TLN2: variants seen among roughly 807,000 people sequenced by gnomAD.
TLN2 encodes the protein talin-2.
A neutral mutation model predicts 294.7 loss-of-function variants in TLN2; 118 were observed. That is an observed-to-expected ratio of 0.40 (90% CI 0.34 to 0.47). The LOEUF (loss-of-function observed/expected upper bound fraction) is 0.47. Among genes scored for constraint, TLN2 ranks in the 20% least tolerant of loss-of-function variants. The pLI is 0.84. For missense variants in TLN2, 3,083 were observed against 3,282.2 expected, an observed-to-expected ratio of 0.94 and a Z score of 1.48; for synonymous variants, 1,431 against 1,304.5, an observed-to-expected ratio of 1.10 and a Z score of -2.09.
At chr15:62,451,057 A>T (rs1385805399) in intron 1 of TLN2, among the ~76,000 whole-genome samples, 1 of 150,338 alleles carries the variant, frequency 6.7e-6, no homozygotes, top group East Asian at 2.0e-4. Context: ...TGATTGTCCT[A>T]CCTTGGCCTC....
chr15:62,703,256 C>T (rs1235938293), intron 19 of TLN2, among the ~76,000 whole-genome samples: 1 of 151,982 alleles, frequency 6.6e-6, no homozygotes, highest in African/African-American at 2.4e-5. Context: ...GTGCACGCCA[C>T]CATGCCCGGC....
At chr15:62,671,435 G>C (rs921065767) in intron 9 of TLN2, among the ~76,000 whole-genome samples, 1 of 152,160 alleles carries the variant, frequency 6.6e-6, no homozygotes, top group African/African-American at 2.4e-5. Flanking sequence ...GTCTGTCATA[G>C]ATTTTGAGTT....
intron 3 of TLN2, chr15:62,645,132 A>G (rs2051674731): frequency 6.5e-6 from 1 of 153,638 alleles, no homozygotes; most frequent in African/African-American, 2.4e-5. Flanking sequence ...TAGTCCATTT[A>G]TCTCTAGAGT....
intron 54 of TLN2, among the ~76,000 whole-genome samples, chr15:62,822,686 A>G (rs2067674114): frequency 6.6e-6 from 1 of 152,242 alleles, no homozygotes; most frequent in African/African-American, 2.4e-5. Flanking sequence ...GTGTGCCCTT[A>G]GAGCTACTCC....
At chr15:62,476,128 G>A (rs1477761123) in intron 1 of TLN2, among the ~76,000 whole-genome samples, 1 of 152,134 alleles carries the variant, frequency 6.6e-6, no homozygotes, top group East Asian at 1.9e-4. Context: ...CTTGTGGGCT[G>A]GCACCAAAAC....
At chr15:62,560,300 G>A (rs2042851102) in intron 1 of TLN2, among the ~76,000 whole-genome samples, 1 of 152,100 alleles carries the variant, frequency 6.6e-6, no homozygotes, top group Non-Finnish European at 1.5e-5. Context: ...GAGTGCGGTG[G>A]CGGTATCTTG....
At chr15:62,457,365 C>A (rs2036543776) in intron 1 of TLN2, among the ~76,000 whole-genome samples, 1 of 152,236 alleles carries the variant, frequency 6.6e-6, no homozygotes, top group Non-Finnish European at 1.5e-5. Flanking sequence ...TCATCTAAAC[C>A]TAATTATCTC....
intron 1 of TLN2, among the ~76,000 whole-genome samples, chr15:62,432,507 A>G (rs1488657465): frequency 1.3e-5 from 2 of 152,170 alleles, no homozygotes; most frequent in African/African-American, 4.8e-5. Flanking sequence ...ACACTGTTGC[A>G]TTGGGGATTG....
intron 32 of TLN2, among the ~76,000 whole-genome samples, chr15:62,743,471 G>A (rs191516201): frequency 2.0e-4 from 31 of 152,218 alleles, no homozygotes; most frequent in Non-Finnish European, 3.7e-4. Flanking sequence ...GCCTGGGTAC[G>A]TTTTTGGGAC....
At chr15:62,745,331 T>TAA (rs899096910) in intron 32 of TLN2, among the ~76,000 whole-genome samples, 5 of 149,570 alleles carry the variant, frequency 3.3e-5, no homozygotes, top group African/African-American at 9.8e-5. Context: ...AAAAAGATGG[T>TAA]AAAAAAAAAA....
intron 1 of TLN2, among the ~76,000 whole-genome samples, chr15:62,479,235 T>G (rs2140379038): frequency 1.3e-5 from 2 of 152,358 alleles, no homozygotes; most frequent in Middle Eastern, 3.4e-3. Flanking sequence ...TGCATTTACC[T>G]GGGCCTCATA....
chr15:62,531,725 A>G (rs1055857064), intron 1 of TLN2, among the ~76,000 whole-genome samples: 3 of 152,236 alleles, frequency 2.0e-5, no homozygotes, highest in African/African-American at 4.8e-5. Flanking sequence ...GAAGGTATCC[A>G]TCTTGTCTTA....
intron 1 of TLN2, among the ~76,000 whole-genome samples, chr15:62,471,601 GT>G (rs1436406042): frequency 2.0e-5 from 3 of 152,092 alleles, no homozygotes; most frequent in Non-Finnish European, 4.4e-5. Flanking sequence ...CCTTGTCTCT[GT>G]CAAACAAGAG....
intron 1 of TLN2, among the ~76,000 whole-genome samples, chr15:62,443,031 C>G (rs1443542980): frequency 6.6e-6 from 1 of 152,168 alleles, no homozygotes; most frequent in Non-Finnish European, 1.5e-5. Context: ...GTCCTCCTAC[C>G]TCCCCTCTTT....
chr15:62,640,463 G>A, intron 3 of TLN2: 1 of 420,942 alleles, frequency 2.4e-6, no homozygotes, highest in South Asian at 1.7e-5. Flanking sequence ...GTCTTGCCAG[G>A]TGGGCACAAA....
intron 1 of TLN2, among the ~76,000 whole-genome samples, chr15:62,551,971 G>C (rs971570024): frequency 1.3e-5 from 2 of 152,158 alleles, no homozygotes; most frequent in Non-Finnish European, 2.9e-5. Flanking sequence ...GTACAAGAAG[G>C]CACACTTAAA....
chr15:62,790,243 T>C (rs1441018900), intron 45 of TLN2, among the ~76,000 whole-genome samples: 3 of 152,236 alleles, frequency 2.0e-5, no homozygotes, highest in Non-Finnish European at 4.4e-5. Flanking sequence ...GGGTCAAAGA[T>C]ACACATTTTA....
At chr15:62,603,937 C>G (rs1442276341) in intron 2 of TLN2, among the ~76,000 whole-genome samples, 1 of 152,190 alleles carries the variant, frequency 6.6e-6, no homozygotes, top group Non-Finnish European at 1.5e-5. Context: ...TTTGAGGCTA[C>G]TGCCTATGTT....
At chr15:62,726,434 GCCT>G (rs2060444731) in intron 27 of TLN2, among the ~76,000 whole-genome samples, 1 of 152,030 alleles carries the variant, frequency 6.6e-6, no homozygotes, top group African/African-American at 2.4e-5. Context: ...CATACCCTAG[GCCT>G]TTACTGACTT....
Sources: allele counts gnomAD v4.1 joint callset (sites outside exome capture counted in the v4.1 genomes callset), GRCh38; gene constraint gnomAD v4.1.1; transcripts MANE v1.5; gene names NCBI Gene and HGNC (gene_info 2026-07-23, HGNC 2026-07-21).